The following SNX8 variants were observed in gnomAD, a reference collection of about 807,000 sequenced individuals.
SNX8 encodes the protein sorting nexin-8.
SNX8 carries 25 observed loss-of-function variants against 51.6 expected under a neutral mutation model. The observed-to-expected ratio is 0.48, with a 90% confidence interval of 0.35 to 0.68. The LOEUF (loss-of-function observed/expected upper bound fraction) is 0.68, where lower values mean the gene tolerates loss of function less well. SNX8 is among the 30% of genes least tolerant of loss of function. The probability of loss-of-function intolerance (pLI) is 0.00; values close to 1 mark genes in which losing one functional copy is unlikely to be tolerated. For synonymous variants in SNX8, 324 were observed against 277.0 expected, an observed-to-expected ratio of 1.17 and a Z score of -1.68; for missense variants, 695 against 624.0, an observed-to-expected ratio of 1.11 and a Z score of -1.21.
At chr7:2,270,714 C>G (rs1047475019) in intron 4 of SNX8, among the ~76,000 whole-genome samples, 1 of 152,158 alleles carries the variant, frequency 6.6e-6, no homozygotes, top group Admixed American at 6.5e-5. Flanking sequence ...CCGGGGGCAT[C>G]CCAGGGACAT....
At chr7:2,291,846 C>G (rs1445922557) in intron 1 of SNX8, among the ~76,000 whole-genome samples, 1 of 152,210 alleles carries the variant, frequency 6.6e-6, no homozygotes, top group Admixed American at 6.5e-5. Flanking sequence ...AGGCTTCTCC[C>G]AAACTAAAAC....
At chr7:2,293,124 G>C (rs1368397305) in intron 1 of SNX8, among the ~76,000 whole-genome samples, 2 of 150,818 alleles carry the variant, frequency 1.3e-5, no homozygotes, top group African/African-American at 4.9e-5. Flanking sequence ...AGACCAGGCT[G>C]GGCACAGTGG....
At chr7:2,264,485 C>G in intron 5 of SNX8, 27 bp from the exon 6 acceptor site, 1 of 1,594,442 alleles carries the variant, frequency 6.3e-7, no homozygotes, top group Non-Finnish European at 8.5e-7. Flanking sequence ...GGGAGAGACA[C>G]TGTGTTAGTC....
rs761591443 is a variant in SNX8 at position 2,257,721 on chromosome 7, C to A, written c.984+14G>T. 1.1e-5 allele frequency: 17 copies of A among 1,612,390 alleles called. No individual in the cohort carries two copies. Among genetic ancestry groups the A allele is most frequent in the Middle Eastern group, 3.3e-4 (2 of 6,054 alleles). ...GAAAGTTCTGCCCCCAGCCAAGGAGCAGCCAAGACTCACCTTATAGGACTG... is the reference window on the plus strand; with the variant it reads ...GAAAGTTCTGCCCCCAGCCAAGGAGAAGCCAAGACTCACCTTATAGGACTG... On this transcript the variant is annotated intron_variant, in intron 8 of 10. Coordinates refer to ENST00000222990, the MANE Select transcript of SNX8 (RefSeq NM_013321.4).
chr7:2,269,048 A>G (rs1795572113), intron 5 of SNX8, among the ~76,000 whole-genome samples: 2 of 134,860 alleles, frequency 1.5e-5, no homozygotes, highest in African/African-American at 5.4e-5. Flanking sequence ...GCTCATTGAG[A>G]ACGGGCCAGG....
In SNX8 at chr7:2,301,129, T is replaced by C. The variant is rs767423179; in HGVS notation, c.94+13199A>G. On this transcript the variant is annotated intron_variant, in intron 1 of 10. Transcript: ENST00000222990. ...CCTAGCACAATTGTCTAGGGTGTTA[T>C]TTATGAGAAAGGTCTGTGCAACTAT... Among the ~76,000 whole-genome samples the C allele has an allele frequency of 3.3e-5, 5 of 152,360 alleles. No individual in the cohort carries two copies. The East Asian group carries it at 7.7e-4, about 23-fold the overall frequency.
chr7:2,349,446 C>G (rs1443845291), intron 1 of SNX8, among the ~76,000 whole-genome samples: 1 of 144,240 alleles, frequency 6.9e-6, no homozygotes, highest in Non-Finnish European at 1.5e-5. Flanking sequence ...TTTAATTTAA[C>G]TTTTTTTTTT....
intron 3 of SNX8, among the ~76,000 whole-genome samples, chr7:2,273,733 C>G (rs1235512963): frequency 6.7e-6 from 1 of 150,066 alleles, no homozygotes; most frequent in East Asian, 2.0e-4. Flanking sequence ...GAAACCCCGT[C>G]TCTACTAAAA....
At chr7:2,255,798 G>C (rs1795163087) in intron 10 of SNX8, among the ~76,000 whole-genome samples, 1 of 152,236 alleles carries the variant, frequency 6.6e-6, no homozygotes. Flanking sequence ...CACTCGCCAA[G>C]CACTTTTGGA....
chr7:2,273,738 C>A (rs1214031772), intron 3 of SNX8, among the ~76,000 whole-genome samples: 2 of 147,040 alleles, frequency 1.4e-5, no homozygotes, highest in Non-Finnish European at 3.0e-5. Context: ...CCCGTCTCTA[C>A]TAAAAATACA....
intron 3 of SNX8, among the ~76,000 whole-genome samples, 187 bp from the exon 4 acceptor site, chr7:2,272,158 C>T (rs555105531): frequency 6.6e-6 from 1 of 152,308 alleles, no homozygotes; most frequent in African/African-American, 2.4e-5. Flanking sequence ...AATAACCTCA[C>T]CCCCAGAGGC....
intron 1 of SNX8, 47 bp from the exon 2 acceptor site, chr7:2,278,352 C>T (rs1795832953): frequency 1.3e-5 from 17 of 1,265,170 alleles, no homozygotes; most frequent in Non-Finnish European, 1.9e-5. Flanking sequence ...TGCTCAAAAG[C>T]TGGAGCCTTG....
chr7:2,263,477 C>G (rs1795387581), intron 6 of SNX8, 115 bp from the exon 7 acceptor site: 8 of 1,021,230 alleles, frequency 7.8e-6, no homozygotes, highest in Non-Finnish European at 1.1e-5. Context: ...TGACCCCGTC[C>G]TAGGACCCTG....
intron 1 of SNX8, among the ~76,000 whole-genome samples, chr7:2,299,813 T>C (rs540536192): frequency 5.3e-5 from 8 of 152,176 alleles, no homozygotes; most frequent in Non-Finnish European, 1.2e-4. Context: ...TTGATCCTCA[T>C]AGAGGCCAAA....
intron 2 of SNX8, among the ~76,000 whole-genome samples, 162 bp from the exon 3 acceptor site, chr7:2,275,391 C>A (rs1250688312): frequency 6.6e-6 from 1 of 152,228 alleles, no homozygotes; most frequent in Non-Finnish European, 1.5e-5. Context: ...TATGGAAATA[C>A]AACTTTTAAA....
At chr7:2,279,558 C>T (rs758520687) in intron 1 of SNX8, among the ~76,000 whole-genome samples, 2 of 151,962 alleles carry the variant, frequency 1.3e-5, no homozygotes, top group Non-Finnish European at 2.9e-5. Flanking sequence ...TCAAGACCAC[C>T]CTGGGCAAGA....
chr7:2,329,361 C>T (rs1034359888), intron 1 of SNX8, among the ~76,000 whole-genome samples: 1 of 151,654 alleles, frequency 6.6e-6, no homozygotes, highest in African/African-American at 2.4e-5. Context: ...GGAACAAGGC[C>T]AGATATACAG....
chr7:2,311,408 A>T (rs765830390), intron 1 of SNX8, among the ~76,000 whole-genome samples: 4 of 152,286 alleles, frequency 2.6e-5, no homozygotes, highest in African/African-American at 4.8e-5. Context: ...TAAAAATTTG[A>T]GACAGGATTT....
intron 1 of SNX8, among the ~76,000 whole-genome samples, chr7:2,305,639 C>T (rs1796528448): frequency 6.6e-6 from 1 of 152,046 alleles, no homozygotes; most frequent in Non-Finnish European, 1.5e-5. Context: ...GCTGGGATTA[C>T]AGGCGTGAGC....
Sources: gnomAD v4.1 joint callset for allele counts (sites outside exome capture counted in the v4.1 genomes callset) on GRCh38, gnomAD v4.1.1 for gene constraint, MANE v1.5 for transcripts, NCBI Gene and HGNC (gene_info 2026-07-23, HGNC 2026-07-21) for gene names.